The following MAGI2 variants were observed in gnomAD, a reference collection of about 807,000 sequenced individuals.
MAGI2 encodes membrane associated guanylate kinase, WW and PDZ domain containing 2.
MAGI2 carries 35 observed loss-of-function variants against 133.3 expected under a neutral mutation model. The observed-to-expected ratio is 0.26, with a 90% CI of 0.20 to 0.35. The LOEUF (loss-of-function observed/expected upper bound fraction) is 0.35, where lower values mean the gene tolerates loss of function less well. Among genes scored for constraint, MAGI2 ranks in the 10% least tolerant of loss-of-function variants. MAGI2 has a pLI of 1.00. For synonymous variants in MAGI2, 729 were observed against 710.6 expected (o/e 1.03, Z -0.41); for missense variants, 1,636 against 1,863.4 (o/e 0.88, Z 2.25).
chr7:78,492,654 T>C (rs1330907416), intron 5 of MAGI2, among the ~76,000 whole-genome samples: 3 of 152,178 alleles, frequency 2.0e-5, no homozygotes, highest in Non-Finnish European at 4.4e-5. Context: ...CTGCGTACTA[T>C]CTTTCAAGTT....
intron 3 of MAGI2, among the ~76,000 whole-genome samples, chr7:78,546,034 A>C (rs1411286137): frequency 6.6e-6 from 1 of 152,212 alleles, no homozygotes; most frequent in African/African-American, 2.4e-5. Context: ...ATCTAAAATA[A>C]AGATGTTCAT....
At chr7:78,321,761 T>C (rs943307932) in intron 9 of MAGI2, among the ~76,000 whole-genome samples, 4 of 152,096 alleles carry the variant, frequency 2.6e-5, no homozygotes, top group East Asian at 1.9e-4. Context: ...AAAGCCCAAA[T>C]TGACAAATGG....
In MAGI2 at chr7:79,306,203, GTA is replaced by G. The variant is rs1042977333; in HGVS notation, c.301+146815_301+146816del. Among the ~76,000 whole-genome samples, 20 of 141,494 alleles carry G rather than the reference GTA, an allele frequency of 1.4e-4. No homozygotes were observed. In the East Asian group the frequency reaches 1.6e-3, roughly 12 times the overall value. 92.8% of individuals were successfully genotyped at this position (141,494 alleles called of 152,430 possible). A position where few individuals can be genotyped will look rare whatever the true frequency, so the allele number is the denominator to read the frequency against. ...TATATATACACATATATATATACATGTATATATATATGTGTATATATATTTTA... is the reference window on the plus strand; with the variant it reads ...TATATATACACATATATATATACATGTATATATATGTGTATATATATTTTA... On this transcript the variant is annotated intron_variant, in intron 1 of 21. Transcript: ENST00000354212.
At chr7:79,035,441 C>A (rs777209192) in intron 1 of MAGI2, among the ~76,000 whole-genome samples, 3 of 152,146 alleles carry the variant, frequency 2.0e-5, no homozygotes, top group African/African-American at 4.8e-5. Context: ...CCTTATGTCA[C>A]ATAAACATCT....
chr7:79,016,910 G>A (rs1455729521), intron 1 of MAGI2, among the ~76,000 whole-genome samples: 1 of 152,230 alleles, frequency 6.6e-6, no homozygotes, highest in Non-Finnish European at 1.5e-5. Context: ...ACAGTCCCAT[G>A]CCTGCCAGTG....
chr7:78,390,609 C>T (rs916423329), intron 6 of MAGI2, among the ~76,000 whole-genome samples: 1 of 124,242 alleles, frequency 8.0e-6, no homozygotes, highest in Non-Finnish European at 1.6e-5. Context: ...AGAATGTTGG[C>T]AATCTTTACC....
chr7:79,150,985 TTTTG>T (rs968074007), intron 1 of MAGI2, among the ~76,000 whole-genome samples: 15 of 152,116 alleles, frequency 9.9e-5, no homozygotes, highest in Middle Eastern at 3.4e-3. Flanking sequence ...CTCACAGCGT[TTTTG>T]TTTGTTTGTT....
intron 1 of MAGI2, among the ~76,000 whole-genome samples, chr7:79,089,163 C>T (rs1273607986): frequency 6.6e-6 from 1 of 152,028 alleles, no homozygotes; most frequent in Non-Finnish European, 1.5e-5. Context: ...AGACACTTCT[C>T]AGAAGACGAC....
chr7:79,172,536 TG>T (rs765714944), intron 1 of MAGI2, among the ~76,000 whole-genome samples: 1 of 152,094 alleles, frequency 6.6e-6, no homozygotes, highest in Non-Finnish European at 1.5e-5. Context: ...TGATATATCA[TG>T]TTAATAGTTC....
intron 1 of MAGI2, among the ~76,000 whole-genome samples, chr7:79,099,254 A>G (rs530767693): frequency 3.3e-5 from 5 of 152,280 alleles, no homozygotes; most frequent in African/African-American, 1.2e-4. Context: ...TGACTTATCT[A>G]TTATCCAAAA....
Position 78,185,509 on chromosome 7 carries a change from A to G in MAGI2, c.2311+120T>C, listed in dbSNP as rs1827597930. On this transcript the variant is annotated intron_variant, in intron 13 of 21. Coordinates refer to ENST00000354212, the MANE Select transcript of MAGI2 (RefSeq NM_012301.4). ...TCTACCTTGAATACATGTTTTATGT[A>G]GGTGACTAAAGTAGCACAGCGATTA... The G allele has an allele frequency of 1.4e-5, 9 of 654,186 alleles. No individual in the cohort carries two copies. In the Admixed American group the frequency reaches 1.9e-4, roughly 14 times the overall value. The allele number at this position is 654,186 out of a possible 1,614,324, so 40.5% of individuals were successfully genotyped here.
chr7:78,233,503 A>T (rs542599323), intron 10 of MAGI2, among the ~76,000 whole-genome samples: 44 of 152,268 alleles, frequency 2.9e-4, no homozygotes, highest in African/African-American at 9.9e-4. Context: ...ATGTTAAGTA[A>T]AGGCTATTCC....
At chr7:79,284,919 A>G (rs1351930388) in intron 1 of MAGI2, among the ~76,000 whole-genome samples, 1 of 151,998 alleles carries the variant, frequency 6.6e-6, no homozygotes, top group African/African-American at 2.4e-5. Context: ...ATTCTAATAT[A>G]CATCTGTATG....
chr7:79,134,534 T>C (rs1368046909), intron 1 of MAGI2, among the ~76,000 whole-genome samples: 1 of 152,166 alleles, frequency 6.6e-6, no homozygotes, highest in East Asian at 1.9e-4. Context: ...CAACTGGAAA[T>C]TCTATATAAA....
intron 1 of MAGI2, among the ~76,000 whole-genome samples, chr7:79,291,934 A>AT (rs879598841): frequency 2.6e-5 from 4 of 151,550 alleles, no homozygotes; most frequent in South Asian, 2.1e-4. Context: ...AATTTATCTG[A>AT]TTTTTTTTCA....
At chr7:78,070,586 A>ATATATATGTG (rs758647800) in intron 21 of MAGI2, among the ~76,000 whole-genome samples, 1 of 68,238 alleles carries the variant, frequency 1.5e-5, no homozygotes, top group Admixed American at 1.8e-4. Flanking sequence ...ATATATGTGT[A>ATATATATGTG]TATATATGTG....
chr7:78,508,815 T>G (rs889490297), intron 4 of MAGI2, among the ~76,000 whole-genome samples: 1 of 152,188 alleles, frequency 6.6e-6, no homozygotes, highest in Non-Finnish European at 1.5e-5. Flanking sequence ...AGGAAGTGGC[T>G]AAGTAAAATT....
At chr7:79,274,026 G>C (rs1396772883) in intron 1 of MAGI2, among the ~76,000 whole-genome samples, 1 of 152,078 alleles carries the variant, frequency 6.6e-6, no homozygotes, top group African/African-American at 2.4e-5. Flanking sequence ...TCTCAGCCTT[G>C]ATGCACATGA....
chr7:78,633,622 C>A lies in MAGI2; in HGVS notation c.419-6383G>T, dbSNP rs544745067. On this transcript the variant is annotated intron_variant, in intron 2 of 21. Transcript: ENST00000354212. ...TCCGGAGGCTGAGGCAGGAGAATGG[C>A]GTGAACCCGGAAGGCGGAGCTTGCA... 6.8e-5 allele frequency among the ~76,000 whole-genome samples: 10 copies of A among 147,704 alleles called. No homozygotes were observed. In the East Asian group the frequency reaches 2.0e-3, roughly 30 times the overall value.
Sources: allele counts gnomAD v4.1 joint callset (sites outside exome capture counted in the v4.1 genomes callset), GRCh38; gene constraint gnomAD v4.1.1; transcripts MANE v1.5; gene names NCBI Gene and HGNC (gene_info 2026-07-23, HGNC 2026-07-21).